PRKAR1A: variants seen among roughly 807,000 people sequenced by gnomAD.
PRKAR1A encodes the protein cAMP-dependent protein kinase type I-alpha regulatory subunit.
In PRKAR1A, 3 loss-of-function variants were observed where a neutral mutation model predicts 52.0. That is an observed-to-expected ratio of 0.06 (90% CI 0.03 to 0.15). PRKAR1A has a LOEUF of 0.15. PRKAR1A is among the 10% of genes least tolerant of loss of function. The pLI is 1.00. For missense variants in PRKAR1A, 240 were observed against 477.4 expected (o/e 0.50, Z 4.63); for synonymous variants, 188 against 168.4 (o/e 1.12, Z -0.90).
chr17:68,536,749 G>A (rs9892782), downstream of PRKAR1A: 102,880 of 451,852 alleles, frequency 0.23, 12,044 homozygotes, highest in Middle Eastern at 0.28. Flanking sequence ...TTTTTCCTTC[G>A]TTGTAATTAT....
rs755043531 is a variant in PRKAR1A at position 68,530,446 on chromosome 17, C to G, written c.1143C>G (p.Val381=). The change falls in exon 11 of 11, where the codon GTC becomes GTG. Residue 381 remains valine (V), a synonymous_variant. Transcript: ENST00000589228. Reference sequence around the variant, plus strand: ...ACAACAGTTTTGTGTCACTGTCTGTCTGAAATCTGCCTCCTGTGCCTCCCT... The same window carrying G: ...ACAACAGTTTTGTGTCACTGTCTGTGTGAAATCTGCCTCCTGTGCCTCCCT... ...QQYNSFVSLS[V] The G allele has an allele frequency of 2.7e-5, 43 of 1,613,986 alleles. No individual in the cohort carries two copies. Among genetic ancestry groups the G allele is most frequent in the Non-Finnish European group, 3.6e-5 (43 of 1,179,960 alleles).
intron 2 of PRKAR1A, among the ~76,000 whole-genome samples, chr17:68,519,230 C>T (rs77438217): frequency 4.6e-5 from 7 of 152,186 alleles, no homozygotes; most frequent in Non-Finnish European, 8.8e-5. Context: ...CTGTATTAGT[C>T]TGTTCTCATG....
At chr17:68,528,014 A>ATAAAAAT in intron 8 of PRKAR1A, 114 bp downstream of exon 8, 1 of 920,782 alleles carries the variant, frequency 1.1e-6, no homozygotes, top group Non-Finnish European at 1.8e-6. Flanking sequence ...CCCCCTGAAA[A>ATAAAAAT]GACAGAAGGG....
chr17:68,427,175 G>A, the PRKAR1A span: 23 of 1,614,000 alleles, frequency 1.4e-5, 1 homozygote, highest in East Asian at 2.2e-4. Flanking sequence ...GTCTGGCTAC[G>A]GTCGCTGCAT....
At chr17:68,502,350 G>GA in the PRKAR1A span, among the ~76,000 whole-genome samples, 108 of 150,358 alleles carry the variant, frequency 7.2e-4, no homozygotes, top group African/African-American at 2.4e-3. Flanking sequence ...TAAAATTATT[G>GA]AAAAAAAAAG....
At chr17:68,427,005 AAGGGGGAAGGGGAGGGAGGG>A in the PRKAR1A span, 1 of 731,838 alleles carries the variant, frequency 1.4e-6, no homozygotes, top group East Asian at 2.5e-5. Flanking sequence ...GGTAACAGTG[AAGGGGGAAGGGGAGGGAGGG>A]CACTCCACCC....
the PRKAR1A span, among the ~76,000 whole-genome samples, chr17:68,437,791 T>C: frequency 3.3e-5 from 5 of 151,802 alleles, no homozygotes; most frequent in African/African-American, 4.8e-5. Context: ...TGTTTTTATT[T>C]ATAAGGGGAT....
the PRKAR1A span, among the ~76,000 whole-genome samples, chr17:68,426,463 G>A: frequency 2.6e-5 from 4 of 152,064 alleles, no homozygotes; most frequent in African/African-American, 9.7e-5. Context: ...GAACTCCTGA[G>A]CCTAAGGGAT....
At chr17:68,467,581 A>T in the PRKAR1A span, among the ~76,000 whole-genome samples, 1 of 152,186 alleles carries the variant, frequency 6.6e-6, no homozygotes, top group Non-Finnish European at 1.5e-5. Flanking sequence ...TCAAAGCCCT[A>T]CTGTACTCTC....
At chr17:68,517,483 T>G (rs1290352738) in intron 2 of PRKAR1A, among the ~76,000 whole-genome samples, 1 of 152,186 alleles carries the variant, frequency 6.6e-6, no homozygotes, top group East Asian at 1.9e-4. Flanking sequence ...ACCCATCCTC[T>G]TCACATGGCA....
At chr17:68,549,065 T>C (rs2086711822) in intron 11 of PRKAR1A, among the ~76,000 whole-genome samples, 1 of 152,152 alleles carries the variant, frequency 6.6e-6, no homozygotes, top group African/African-American at 2.4e-5. Flanking sequence ...CAGGCAGAGA[T>C]GTATTAGGCT....
At chr17:68,487,924 A>G in the PRKAR1A span, among the ~76,000 whole-genome samples, 2 of 152,012 alleles carry the variant, frequency 1.3e-5, no homozygotes, top group Non-Finnish European at 2.9e-5. Flanking sequence ...AATAATAATG[A>G]AAAAAAACTC....
intron 11 of PRKAR1A, among the ~76,000 whole-genome samples, chr17:68,548,171 A>G (rs2086654948): frequency 6.6e-6 from 1 of 152,222 alleles, no homozygotes; most frequent in Non-Finnish European, 1.5e-5. Flanking sequence ...AAGGTTGGCA[A>G]TCACTTGAGG....
the PRKAR1A span, among the ~76,000 whole-genome samples, chr17:68,474,784 A>G: frequency 6.6e-6 from 1 of 152,026 alleles, no homozygotes; most frequent in Non-Finnish European, 1.5e-5. Context: ...AGTCCCAGCT[A>G]CTCATGAAAA....
chr17:68,433,778 T>TTTG, the PRKAR1A span, among the ~76,000 whole-genome samples: 2 of 65,802 alleles, frequency 3.0e-5, no homozygotes, highest in African/African-American at 9.3e-5. Context: ...TTTTTTTTTT[T>TTTG]TTTTTTTTTT....
the PRKAR1A span, among the ~76,000 whole-genome samples, chr17:68,498,404 C>T: frequency 3.3e-5 from 5 of 152,268 alleles, no homozygotes; most frequent in South Asian, 2.1e-4. Flanking sequence ...CATTTCATTA[C>T]GTATTTATTT....
At chr17:68,475,566 C>T in the PRKAR1A span, among the ~76,000 whole-genome samples, 4 of 152,176 alleles carry the variant, frequency 2.6e-5, no homozygotes, top group Non-Finnish European at 5.9e-5. Flanking sequence ...TGGGTTCAAG[C>T]GATTCTCGTG....
chr17:68,424,431 C>G, the PRKAR1A span: 1 of 534,696 alleles, frequency 1.9e-6, no homozygotes, highest in East Asian at 5.4e-5. Flanking sequence ...GAAGCCAGAC[C>G]TGCACTCCAT....
At chr17:68,456,727 T>C in the PRKAR1A span, among the ~76,000 whole-genome samples, 1 of 152,060 alleles carries the variant, frequency 6.6e-6, no homozygotes, top group African/African-American at 2.4e-5. Flanking sequence ...GGGTGGGCGA[T>C]GTGAAAACAG....
Sources: gnomAD v4.1 joint callset for allele counts (sites outside exome capture counted in the v4.1 genomes callset) on GRCh38, gnomAD v4.1.1 for gene constraint, MANE v1.5 for transcripts, NCBI Gene and HGNC (gene_info 2026-07-23, HGNC 2026-07-21) for gene names.